The following STX8 variants were observed in gnomAD, a reference collection of about 807,000 sequenced individuals.
STX8 encodes syntaxin-8.
Under a neutral mutation model 37.5 loss-of-function variants are expected in STX8, and 23 were observed. The ratio of observed to expected loss-of-function variants is 0.61; its 90% CI spans 0.44 to 0.87. The LOEUF (loss-of-function observed/expected upper bound fraction) is 0.87, where lower values mean the gene tolerates loss of function less well. Among genes scored for constraint, STX8 ranks in the 40% least tolerant of loss-of-function variants. The probability of loss-of-function intolerance (pLI) is 0.00; values close to 1 mark genes in which losing one functional copy is unlikely to be tolerated. For missense variants in STX8, 313 were observed against 284.7 expected, an observed-to-expected ratio of 1.10 and a Z score of -0.71; for synonymous variants, 115 against 99.1, an observed-to-expected ratio of 1.16 and a Z score of -0.95.
intron 7 of STX8, among the ~76,000 whole-genome samples, chr17:9,375,787 C>T (rs1911560099): frequency 6.6e-6 from 1 of 152,180 alleles, no homozygotes; most frequent in Non-Finnish European, 1.5e-5. Context: ...TCATTTATTT[C>T]TCATAACAAT....
At chr17:9,339,959 T>C (rs1289799320) in intron 7 of STX8, among the ~76,000 whole-genome samples, 2 of 152,250 alleles carry the variant, frequency 1.3e-5, no homozygotes, top group Non-Finnish European at 2.9e-5. Flanking sequence ...ATGATTGTGG[T>C]GTTTCTTTCT....
intron 6 of STX8, among the ~76,000 whole-genome samples, chr17:9,470,205 G>C (rs983987509): frequency 3.9e-5 from 6 of 152,170 alleles, no homozygotes; most frequent in Non-Finnish European, 7.4e-5. Flanking sequence ...TAGATGGAAA[G>C]AGAATGTCGT....
At chr17:9,336,355 T>C (rs1268175123) in intron 7 of STX8, among the ~76,000 whole-genome samples, 1 of 151,810 alleles carries the variant, frequency 6.6e-6, no homozygotes, top group Non-Finnish European at 1.5e-5. Flanking sequence ...ATACTTTAGA[T>C]TTCTTTCCTT....
intron 7 of STX8, among the ~76,000 whole-genome samples, chr17:9,278,553 C>G (rs529058356): frequency 1.3e-5 from 2 of 152,174 alleles, no homozygotes; most frequent in East Asian, 3.9e-4. Flanking sequence ...AAATTTCTAC[C>G]TTGAATAACT....
At chr17:9,498,048 CAGA>C (rs1404731608) in intron 5 of STX8, among the ~76,000 whole-genome samples, 1 of 152,006 alleles carries the variant, frequency 6.6e-6, no homozygotes, top group Admixed American at 6.6e-5. Flanking sequence ...ATTTAACATA[CAGA>C]AGGAGCTCTC....
At chr17:9,332,965 C>T (rs1431064400) in intron 7 of STX8, among the ~76,000 whole-genome samples, 3 of 152,182 alleles carry the variant, frequency 2.0e-5, no homozygotes, top group African/African-American at 7.2e-5. Context: ...CCAAGGGCTT[C>T]AAGATGAGAA....
At chr17:9,300,187 CGGGCATGGT>C (rs985110990) in intron 7 of STX8, among the ~76,000 whole-genome samples, 2 of 151,868 alleles carry the variant, frequency 1.3e-5, no homozygotes, top group African/African-American at 4.8e-5. Flanking sequence ...CAAAATTAGC[CGGGCATGGT>C]GGCGCATGCC....
intron 7 of STX8, among the ~76,000 whole-genome samples, chr17:9,275,331 C>T (rs946541887): frequency 7.9e-5 from 12 of 152,146 alleles, no homozygotes; most frequent in South Asian, 4.1e-4. Flanking sequence ...TTTCCCCCAT[C>T]GCCTCTAAGT....
intron 6 of STX8, among the ~76,000 whole-genome samples, chr17:9,427,853 G>A (rs916228996): frequency 1.3e-5 from 2 of 152,186 alleles, no homozygotes; most frequent in Non-Finnish European, 2.9e-5. Flanking sequence ...TGAAAAGCGT[G>A]TCTGCTGCCT....
intron 7 of STX8, among the ~76,000 whole-genome samples, chr17:9,310,148 G>GA (rs1045319591): frequency 1.6e-4 from 23 of 143,036 alleles, no homozygotes; most frequent in Admixed American, 1.5e-3. Flanking sequence ...GCAAAAGGGG[G>GA]AAAAAAAACA....
intron 7 of STX8, among the ~76,000 whole-genome samples, chr17:9,301,578 G>A (rs1377812982): frequency 4.6e-5 from 7 of 151,280 alleles, no homozygotes; most frequent in African/African-American, 9.8e-5. Flanking sequence ...CACCTCCCGC[G>A]TTCACGCCAT....
chr17:9,424,031 G>A (rs1050306763), intron 6 of STX8, among the ~76,000 whole-genome samples: 1 of 152,048 alleles, frequency 6.6e-6, no homozygotes, highest in Non-Finnish European at 1.5e-5. Flanking sequence ...CATTCTGATG[G>A]TCCCTACACA....
intron 7 of STX8, 141 bp downstream of exon 7, chr17:9,378,411 A>G (rs1356004692): frequency 3.0e-6 from 2 of 676,532 alleles, no homozygotes; most frequent in Admixed American, 2.5e-5. Context: ...TTGTTTAGCA[A>G]TTTCAGTGCT....
At chr17:9,541,449 A>T (rs1465140553) in intron 4 of STX8, among the ~76,000 whole-genome samples, 2 of 152,174 alleles carry the variant, frequency 1.3e-5, no homozygotes, top group East Asian at 3.9e-4. Flanking sequence ...CCGGATGGAG[A>T]CACAATGCTC....
intron 6 of STX8, among the ~76,000 whole-genome samples, chr17:9,476,460 C>CTT (rs547611818): frequency 2.1e-5 from 3 of 144,726 alleles, no homozygotes; most frequent in Admixed American, 6.9e-5. Flanking sequence ...TTTTTTTTTT[C>CTT]TTTTTTTTTT....
At chr17:9,385,806 T>C (rs1911980906) in intron 6 of STX8, among the ~76,000 whole-genome samples, 1 of 152,202 alleles carries the variant, frequency 6.6e-6, no homozygotes. Context: ...TCTTGCTCTA[T>C]TACCACCCTG....
At chr17:9,499,220 G>C (rs1040703722) in intron 5 of STX8, among the ~76,000 whole-genome samples, 1 of 152,144 alleles carries the variant, frequency 6.6e-6, no homozygotes, top group African/African-American at 2.4e-5. Flanking sequence ...ACCTTTTGTG[G>C]CTCTTTATTT....
At chr17:9,273,093 C>A (rs950380690) in intron 7 of STX8, 4 of 152,238 alleles carry the variant, frequency 2.6e-5, no homozygotes, top group African/African-American at 9.6e-5. Flanking sequence ...ACGTTTCATT[C>A]CCCGAAGGGT....
Position 9,273,823 on chromosome 17 carries a change from T to C in STX8, c.644-23178A>G, listed in dbSNP as rs139989283. Among the ~76,000 whole-genome samples the C allele has an allele frequency of 4.3e-3, 660 of 152,170 alleles. 4 individuals carry two copies. Among genetic ancestry groups the C allele is most frequent in the South Asian group, 0.022 (108 of 4,806 alleles). On this transcript the variant is annotated intron_variant, in intron 7 of 7. Transcript: ENST00000306357. ...GTTGGAAATCCAAGCTGTTTGGGAG[T>C]GGGCGTGTGTTTGCGTGGCAGGCCT...
Sources: gnomAD v4.1 joint callset for allele counts (sites outside exome capture counted in the v4.1 genomes callset) on GRCh38, gnomAD v4.1.1 for gene constraint, MANE v1.5 for transcripts, NCBI Gene and HGNC (gene_info 2026-07-23, HGNC 2026-07-21) for gene names.